The following NKAIN2 variants were observed in gnomAD, a reference collection of about 807,000 sequenced individuals.
NKAIN2 encodes the protein sodium/potassium-transporting ATPase subunit beta-1-interacting protein 2.
A neutral mutation model predicts 32.6 loss-of-function variants in NKAIN2; 14 were observed. That is an observed-to-expected ratio of 0.43 (90% CI 0.28 to 0.67). The LOEUF is 0.67. Among genes scored for constraint, NKAIN2 ranks in the 30% least tolerant of loss-of-function variants. NKAIN2 has a pLI of 0.17. For missense variants in NKAIN2, 198 were observed against 258.3 expected, an observed-to-expected ratio of 0.77 and a Z score of 1.60; for synonymous variants, 80 against 87.2, an observed-to-expected ratio of 0.92 and a Z score of 0.46.
intron 4 of NKAIN2, among the ~76,000 whole-genome samples, chr6:124,717,309 C>G (rs1427642769): frequency 6.6e-6 from 1 of 151,480 alleles, no homozygotes; most frequent in Non-Finnish European, 1.5e-5. Context: ...TTCCCACTGT[C>G]TAAGACAATT....
At chr6:124,820,395 T>C (rs1781344581) in intron 6 of NKAIN2, among the ~76,000 whole-genome samples, 1 of 152,234 alleles carries the variant, frequency 6.6e-6, no homozygotes, top group Admixed American at 6.5e-5. Flanking sequence ...AGAGATCGCA[T>C]ACAGACTTTA....
At chr6:124,563,442 G>A (rs1780781883) in intron 3 of NKAIN2, among the ~76,000 whole-genome samples, 1 of 152,136 alleles carries the variant, frequency 6.6e-6, no homozygotes. Context: ...GCTACTGTCA[G>A]TTTACCTTTG....
intron 3 of NKAIN2, among the ~76,000 whole-genome samples, chr6:124,605,618 A>G (rs1336097301): frequency 6.7e-6 from 1 of 148,526 alleles, no homozygotes; most frequent in African/African-American, 2.4e-5. Flanking sequence ...TGTGATGAAT[A>G]TTATGGGGTA....
At chr6:124,473,309 T>C (rs1246056468) in intron 3 of NKAIN2, among the ~76,000 whole-genome samples, 2 of 152,202 alleles carry the variant, frequency 1.3e-5, no homozygotes, top group Non-Finnish European at 2.9e-5. Context: ...GTGGCCAGGC[T>C]TCTGTAATTG....
intron 1 of NKAIN2, among the ~76,000 whole-genome samples, chr6:123,870,783 A>G (rs1337569677): frequency 1.3e-5 from 2 of 152,164 alleles, no homozygotes; most frequent in African/African-American, 4.8e-5. Flanking sequence ...TTCAGTGGCA[A>G]ATACATGTTG....
chr6:124,085,500 A>T lies in NKAIN2; in HGVS notation c.55-197505A>T, dbSNP rs966776391. ...TTTGTCAAAGTTAGACTTCGGCTCA[A>T]ATCCCAAATCTGGAGATGCCTGTCT... On this transcript the variant is annotated intron_variant, in intron 1 of 6. Transcript: ENST00000368417. Among the ~76,000 whole-genome samples the T allele has an allele frequency of 2.0e-5, 3 of 151,336 alleles. No individual in the cohort carries two copies. The East Asian group carries it at 5.9e-4, about 30-fold the overall frequency.
At chr6:123,887,466 A>G (rs1430342254) in intron 1 of NKAIN2, among the ~76,000 whole-genome samples, 1 of 152,276 alleles carries the variant, frequency 6.6e-6, no homozygotes, top group South Asian at 2.1e-4. Context: ...AATCAGGGAT[A>G]ATTGGTGGCA....
intron 1 of NKAIN2, among the ~76,000 whole-genome samples, chr6:124,259,132 G>A (rs917477811): frequency 4.6e-5 from 7 of 152,058 alleles, no homozygotes; most frequent in African/African-American, 1.2e-4. Flanking sequence ...GCTTCTTCTG[G>A]TCTACTGGCC....
intron 1 of NKAIN2, among the ~76,000 whole-genome samples, chr6:123,976,372 CATATATATATATATATATATATATATAT>C (rs60189624): frequency 1.8e-4 from 2 of 10,914 alleles, no homozygotes; most frequent in Admixed American, 1.3e-3. Flanking sequence ...TATATATTCC[CATATATATATATATATATATATATATAT>C]ATATATATAT....
Position 124,315,410 on chromosome 6 carries a change from A to G in NKAIN2, c.192+32268A>G, listed in dbSNP as rs12526297. Among the ~76,000 whole-genome samples the G allele has an allele frequency of 3.4e-3, 510 of 152,046 alleles. 12 individuals carry two copies. The highest frequency in any genetic ancestry group is 0.029 in the Admixed American group (440 of 15,236). Reference sequence around the variant, plus strand: ...AGAAGGTAGTGAATGCACTTTAAAAAAAGAGCAATTTTTTTAGGATAGTGG... The same window carrying G: ...AGAAGGTAGTGAATGCACTTTAAAAGAAGAGCAATTTTTTTAGGATAGTGG... On this transcript the variant is annotated intron_variant, in intron 2 of 6. Transcript: ENST00000368417.
chr6:124,289,355 T>G (rs76552237), intron 2 of NKAIN2, among the ~76,000 whole-genome samples: 1,749 of 152,194 alleles, frequency 0.011, 14 homozygotes, highest in Middle Eastern at 0.034. Context: ...AAGGTCAGCT[T>G]CAGACAAAGT....
intron 3 of NKAIN2, among the ~76,000 whole-genome samples, chr6:124,489,919 C>T (rs1173572341): frequency 6.6e-6 from 1 of 151,848 alleles, no homozygotes; most frequent in African/African-American, 2.4e-5. Context: ...ACCTGATCGT[C>T]ATTGCATTTC....
intron 1 of NKAIN2, among the ~76,000 whole-genome samples, chr6:124,207,492 A>T (rs1178606372): frequency 6.7e-6 from 1 of 148,516 alleles, no homozygotes; most frequent in South Asian, 2.2e-4. Context: ...CTGTGTTGCC[A>T]TATGATTTTT....
intron 2 of NKAIN2, among the ~76,000 whole-genome samples, chr6:124,291,352 CTTTT>C (rs79746290): frequency 6.6e-6 from 1 of 151,514 alleles, no homozygotes; most frequent in Non-Finnish European, 1.5e-5. Context: ...ATTGTGTAGT[CTTTT>C]TTTTATTATT....
chr6:124,268,659 A>G (rs1794612280), intron 1 of NKAIN2, among the ~76,000 whole-genome samples: 1 of 151,896 alleles, frequency 6.6e-6, no homozygotes, highest in Admixed American at 6.6e-5. Flanking sequence ...TCATACTTCA[A>G]AGCAAAATAT....
intron 1 of NKAIN2, among the ~76,000 whole-genome samples, chr6:123,860,747 C>T (rs1453117230): frequency 6.6e-6 from 1 of 152,160 alleles, no homozygotes; most frequent in Non-Finnish European, 1.5e-5. Context: ...TTTATTGAAG[C>T]TTTTTATATA....
At chr6:124,762,176 G>T (rs1442004760) in intron 4 of NKAIN2, among the ~76,000 whole-genome samples, 1 of 152,082 alleles carries the variant, frequency 6.6e-6, no homozygotes, top group South Asian at 2.1e-4. Flanking sequence ...CAAGGTGTTG[G>T]CAGGTCTGGT....
At chr6:124,502,523 T>G (rs574314601) in intron 3 of NKAIN2, among the ~76,000 whole-genome samples, 1 of 152,326 alleles carries the variant, frequency 6.6e-6, no homozygotes. Context: ...GTATAATGTG[T>G]TATGTAATCA....
intron 5 of NKAIN2, among the ~76,000 whole-genome samples, chr6:124,797,446 C>T (rs1780053233): frequency 6.6e-6 from 1 of 152,036 alleles, no homozygotes; most frequent in African/African-American, 2.4e-5. Context: ...GAAATCAATG[C>T]AGAAAAATGA....
Sources: gnomAD v4.1 joint callset for allele counts (sites outside exome capture counted in the v4.1 genomes callset) on GRCh38, gnomAD v4.1.1 for gene constraint, MANE v1.5 for transcripts, NCBI Gene and HGNC (gene_info 2026-07-23, HGNC 2026-07-21) for gene names.